Variants in UNC5C observed in about 807,000 individuals in gnomAD.
The protein encoded by UNC5C is unc-5 netrin receptor C.
Under a neutral mutation model 99.8 loss-of-function variants are expected in UNC5C, and 47 were observed. That is an observed-to-expected ratio of 0.47 (90% CI 0.37 to 0.60). The LOEUF is 0.60. UNC5C is among the 20% of genes least tolerant of loss of function. The probability of loss-of-function intolerance (pLI) is 0.00; values close to 1 mark genes in which losing one functional copy is unlikely to be tolerated. For synonymous variants in UNC5C, 487 were observed against 452.2 expected (o/e 1.08, Z -0.98); for missense variants, 1,062 against 1,165.9 (o/e 0.91, Z 1.30).
chr4:95,343,215 G>A (rs1320944913), intron 1 of UNC5C, among the ~76,000 whole-genome samples: 1 of 152,142 alleles, frequency 6.6e-6, no homozygotes, highest in East Asian at 1.9e-4. Context: ...ACTCAGTACT[G>A]TGCTGGATTC....
intron 7 of UNC5C, among the ~76,000 whole-genome samples, chr4:95,231,588 C>T (rs1473934377): frequency 2.6e-5 from 4 of 152,078 alleles, no homozygotes; most frequent in Non-Finnish European, 5.9e-5. Flanking sequence ...TTGCCAGTTA[C>T]TTTACACTAA....
At chr4:95,296,522 T>TTA (rs943073614) in intron 3 of UNC5C, among the ~76,000 whole-genome samples, 29 of 151,858 alleles carry the variant, frequency 1.9e-4, no homozygotes, top group African/African-American at 5.3e-4. Context: ...ACACATATAA[T>TTA]TATATATATA....
chr4:95,250,259 G>A (rs188476386), intron 5 of UNC5C, among the ~76,000 whole-genome samples: 104 of 152,266 alleles, frequency 6.8e-4, no homozygotes, highest in Admixed American at 6.5e-3. Flanking sequence ...GTACATGCCT[G>A]TAATACCAGC....
intron 1 of UNC5C, among the ~76,000 whole-genome samples, chr4:95,345,653 A>G (rs1743744266): frequency 6.6e-6 from 1 of 152,106 alleles, no homozygotes; most frequent in Admixed American, 6.6e-5. Context: ...TATATCAAGT[A>G]TCTTCTCTGA....
At chr4:95,224,307 G>C (rs1056235247) in intron 7 of UNC5C, among the ~76,000 whole-genome samples, 3 of 152,102 alleles carry the variant, frequency 2.0e-5, no homozygotes, top group Non-Finnish European at 4.4e-5. Context: ...AAGAATCAGC[G>C]TGGTCCTGCT....
intron 12 of UNC5C, among the ~76,000 whole-genome samples, chr4:95,198,592 T>C (rs541759292): frequency 6.6e-6 from 1 of 152,222 alleles, no homozygotes; most frequent in South Asian, 2.1e-4. Context: ...CAAGTACTGG[T>C]AGGGCAGGAT....
At chr4:95,269,409 C>T (rs564720327) in intron 4 of UNC5C, among the ~76,000 whole-genome samples, 80 of 152,274 alleles carry the variant, frequency 5.3e-4, no homozygotes, top group African/African-American at 1.9e-3. Context: ...ATCCTGCCAC[C>T]TCAGTTCCTG....
chr4:95,506,986 A>C (rs763946132), intron 1 of UNC5C, among the ~76,000 whole-genome samples: 1 of 152,040 alleles, frequency 6.6e-6, no homozygotes, highest in Middle Eastern at 3.4e-3. Context: ...GTGCATATAC[A>C]CAGAAACACA....
intron 1 of UNC5C, among the ~76,000 whole-genome samples, chr4:95,451,654 A>C (rs1747281989): frequency 6.6e-6 from 1 of 152,152 alleles, no homozygotes; most frequent in Non-Finnish European, 1.5e-5. Flanking sequence ...TTTGTCTGAG[A>C]TCAGATTGAT....
chr4:95,348,309 TG>T (rs1419967926), intron 1 of UNC5C, among the ~76,000 whole-genome samples: 1 of 151,880 alleles, frequency 6.6e-6, no homozygotes, highest in African/African-American at 2.4e-5. Context: ...CATACACTGT[TG>T]GGGGGAATGT....
intron 7 of UNC5C, among the ~76,000 whole-genome samples, chr4:95,220,779 T>C (rs1490480980): frequency 6.6e-6 from 1 of 152,152 alleles, no homozygotes; most frequent in Non-Finnish European, 1.5e-5. Flanking sequence ...AGGGCCCAGA[T>C]CTGGGGGACA....
intron 4 of UNC5C, among the ~76,000 whole-genome samples, chr4:95,259,138 G>A (rs972904207): frequency 6.6e-6 from 1 of 152,066 alleles, no homozygotes; most frequent in African/African-American, 2.4e-5. Flanking sequence ...GCCCAAAACT[G>A]AACTCTGCGA....
intron 7 of UNC5C, chr4:95,222,060 A>G (rs745864109): frequency 7.2e-5 from 36 of 502,768 alleles, no homozygotes; most frequent in Non-Finnish European, 1.1e-4. Flanking sequence ...TCTCTTCAGC[A>G]GCAAAAATCT....
chr4:95,548,207 C>T (rs1323390435), intron 1 of UNC5C, among the ~76,000 whole-genome samples: 2 of 152,058 alleles, frequency 1.3e-5, no homozygotes, highest in African/African-American at 4.8e-5. Context: ...GCTTTTGAGT[C>T]CTTGACAGTA....
chr4:95,389,543 TA>T (rs1745299022), intron 1 of UNC5C, among the ~76,000 whole-genome samples: 1 of 152,126 alleles, frequency 6.6e-6, no homozygotes, highest in Non-Finnish European at 1.5e-5. Flanking sequence ...TGATATAACT[TA>T]TTAACTGAAT....
At chr4:95,494,858 C>T (rs927269796) in intron 1 of UNC5C, among the ~76,000 whole-genome samples, 2 of 151,096 alleles carry the variant, frequency 1.3e-5, no homozygotes, top group Non-Finnish European at 3.0e-5. Context: ...CTCACTATTG[C>T]CTTTAATTGA....
intron 1 of UNC5C, among the ~76,000 whole-genome samples, chr4:95,544,490 T>G (rs1469991741): frequency 1.3e-5 from 2 of 152,206 alleles, no homozygotes; most frequent in Non-Finnish European, 2.9e-5. Flanking sequence ...TTCGGATGTC[T>G]GAATCCAGAA....
intron 14 of UNC5C, among the ~76,000 whole-genome samples, chr4:95,174,737 G>A (rs2149345591): frequency 6.7e-6 from 1 of 148,248 alleles, no homozygotes; most frequent in African/African-American, 2.5e-5. Context: ...GGGGTGGAGA[G>A]TTCTGTAGAT....
intron 3 of UNC5C, among the ~76,000 whole-genome samples, chr4:95,280,301 T>TC (rs1741010373): frequency 6.6e-6 from 1 of 152,126 alleles, no homozygotes; most frequent in Non-Finnish European, 1.5e-5. Flanking sequence ...TCTATGAGGG[T>TC]CTGAGGCAAG....
Sources: allele counts gnomAD v4.1 joint callset (sites outside exome capture counted in the v4.1 genomes callset), GRCh38; gene constraint gnomAD v4.1.1; transcripts MANE v1.5; gene names NCBI Gene and HGNC (gene_info 2026-07-23, HGNC 2026-07-21).